Variants in GARIN2 observed in about 807,000 individuals in gnomAD.
GARIN2 encodes the protein Golgi-associated RAB2 interactor protein 2.
At chr14:67,193,779 C>CAA in the GARIN2 span, among the ~76,000 whole-genome samples, 3 of 88,832 alleles carry the variant, frequency 3.4e-5, no homozygotes, top group African/African-American at 8.5e-5. Flanking sequence ...CCAATTTCTA[C>CAA]AAAAAAAAAA....
chr14:67,190,158 A>G, the GARIN2 span, among the ~76,000 whole-genome samples: 1 of 140,268 alleles, frequency 7.1e-6, no homozygotes, highest in Non-Finnish European at 1.5e-5. Flanking sequence ...CAGGTGATCT[A>G]CCTGCCTCAG....
chr14:67,199,599 A>G, the GARIN2 span: 9 of 1,590,280 alleles, frequency 5.7e-6, no homozygotes, highest in Admixed American at 1.5e-4. Context: ...GCCTTCGAGA[A>G]GGACTCCAAG....
chr14:67,225,960 T>TGTGTGTGTGTGTGC, the GARIN2 span, among the ~76,000 whole-genome samples: 3 of 119,806 alleles, frequency 2.5e-5, no homozygotes, highest in Middle Eastern at 8.3e-3. Context: ...TGTGTGTGTG[T>TGTGTGTGTGTGTGC]GTGCGCGCGC....
chr14:67,214,871 A>G, the GARIN2 span, among the ~76,000 whole-genome samples: 2 of 152,020 alleles, frequency 1.3e-5, no homozygotes, highest in Admixed American at 6.6e-5. Context: ...CTCCTTGAAG[A>G]GGTCCTTCAC....
chr14:67,193,761 A>G, the GARIN2 span, among the ~76,000 whole-genome samples: 31 of 141,556 alleles, frequency 2.2e-4, no homozygotes, highest in Middle Eastern at 4.1e-3. Flanking sequence ...TGGGCAACAC[A>G]GGAAGACCCA....
chr14:67,206,861 G>T, the GARIN2 span, among the ~76,000 whole-genome samples: 8 of 151,984 alleles, frequency 5.3e-5, no homozygotes, highest in Non-Finnish European at 1.2e-4. Context: ...TTTCCAAGTA[G>T]CTGGGATTAC....
chr14:67,207,173 T>C, the GARIN2 span, among the ~76,000 whole-genome samples: 5 of 152,104 alleles, frequency 3.3e-5, no homozygotes, highest in Admixed American at 3.3e-4. Context: ...TAAAGAAATA[T>C]CTGAGGCTGG....
the GARIN2 span, chr14:67,203,068 C>A: frequency 3.1e-6 from 5 of 1,603,762 alleles, no homozygotes; most frequent in Non-Finnish European, 4.3e-6. Context: ...CATCATATAA[C>A]GCCTTTTCCT....
At chr14:67,191,346 T>C in the GARIN2 span, among the ~76,000 whole-genome samples, 1 of 152,232 alleles carries the variant, frequency 6.6e-6, no homozygotes, top group South Asian at 2.1e-4. Flanking sequence ...GGTTTGAAAC[T>C]TTTTATAATA....
chr14:67,221,947 C>G, the GARIN2 span: 2 of 1,049,226 alleles, frequency 1.9e-6, no homozygotes, highest in Non-Finnish European at 2.7e-6. Flanking sequence ...TCACTATGCT[C>G]CATTCTGAGA....
chr14:67,225,962 TGCGC>T, the GARIN2 span, among the ~76,000 whole-genome samples: 7 of 113,490 alleles, frequency 6.2e-5, no homozygotes, highest in Admixed American at 3.9e-4. Flanking sequence ...TGTGTGTGTG[TGCGC>T]GCGCGCGCGT....
At chr14:67,203,686 G>A in the GARIN2 span, among the ~76,000 whole-genome samples, 1 of 152,088 alleles carries the variant, frequency 6.6e-6, no homozygotes, top group Non-Finnish European at 1.5e-5. Flanking sequence ...TTAAATGGAC[G>A]CTTTCTCATG....
At chr14:67,215,600 G>A in the GARIN2 span, among the ~76,000 whole-genome samples, 6 of 152,178 alleles carry the variant, frequency 3.9e-5, no homozygotes, top group Non-Finnish European at 5.9e-5. Context: ...AAAGGGATAC[G>A]GGAATATAAG....
the GARIN2 span, among the ~76,000 whole-genome samples, chr14:67,213,325 C>A: frequency 8.5e-6 from 1 of 117,990 alleles, no homozygotes; most frequent in Admixed American, 9.9e-5. Flanking sequence ...TCCCCCCACC[C>A]CACAACAGTC....
At chr14:67,202,371 G>A in the GARIN2 span, among the ~76,000 whole-genome samples, 1 of 152,122 alleles carries the variant, frequency 6.6e-6, no homozygotes, top group African/African-American at 2.4e-5. Flanking sequence ...AACCTGGGAG[G>A]CAGAGGTTGT....
At chr14:67,226,358 G>GTT in the GARIN2 span, among the ~76,000 whole-genome samples, 1 of 145,170 alleles carries the variant, frequency 6.9e-6, no homozygotes, top group African/African-American at 2.6e-5. Flanking sequence ...CAACCAGCTA[G>GTT]TTTTTTTTGT....
At chr14:67,214,894 T>C in the GARIN2 span, among the ~76,000 whole-genome samples, 1 of 152,108 alleles carries the variant, frequency 6.6e-6, no homozygotes, top group Non-Finnish European at 1.5e-5. Flanking sequence ...CCCTTGTAAG[T>C]TGGATTCCTA....
At chr14:67,198,055 T>A in the GARIN2 span, 2 of 1,400,526 alleles carry the variant, frequency 1.4e-6, no homozygotes, top group East Asian at 4.7e-5. Context: ...TAAAATTTGC[T>A]GAATTAATAA....
chr14:67,208,227 C>T, the GARIN2 span: 1 of 1,613,606 alleles, frequency 6.2e-7, no homozygotes, highest in African/African-American at 1.3e-5. Context: ...ATTCTGAAGC[C>T]TGGGTGTTTA....
Sources: allele counts gnomAD v4.1 joint callset (sites outside exome capture counted in the v4.1 genomes callset), GRCh38; gene constraint gnomAD v4.1.1; transcripts MANE v1.5; gene names NCBI Gene and HGNC (gene_info 2026-07-23, HGNC 2026-07-21).